Variants in NCALD observed in about 807,000 individuals in gnomAD.
The protein encoded by NCALD is neurocalcin-delta.
A neutral mutation model predicts 18.6 loss-of-function variants in NCALD; 10 were observed. That is an observed-to-expected ratio of 0.54 (90% CI 0.33 to 0.91). NCALD has a LOEUF of 0.91. NCALD is among the 40% of genes least tolerant of loss of function. NCALD has a pLI of 0.03. For synonymous variants in NCALD, 88 were observed against 87.4 expected (o/e 1.01, Z -0.04); for missense variants, 184 against 247.6 (o/e 0.74, Z 1.72).
At chr8:101,981,954 T>C (rs1820634515) in intron 2 of NCALD, among the ~76,000 whole-genome samples, 3 of 152,188 alleles carry the variant, frequency 2.0e-5, no homozygotes, top group Admixed American at 2.0e-4. Flanking sequence ...TATGAATGGC[T>C]TGGTTCCCTC....
At position 101,725,797 on chromosome 8, in the gene NCALD, C is replaced by T. The variant is rs191066950; in HGVS notation, c.-19-6149G>A. Reference sequence around the variant, plus strand: ...GGGGTCAAGGGAGCTCTCCCATCTCCGTGGCACTTATAGTCTAGTGGCAAT... The same window carrying T: ...GGGGTCAAGGGAGCTCTCCCATCTCTGTGGCACTTATAGTCTAGTGGCAAT... On this transcript the variant is annotated intron_variant, in intron 1 of 3. Transcript: ENST00000220931. Among the ~76,000 whole-genome samples, 234 of 152,246 alleles carry T rather than the reference C, an allele frequency of 1.5e-3. 1 individual carries two copies. Among genetic ancestry groups the T allele is most frequent in the African/African-American group, 5.4e-3 (224 of 41,536 alleles).
At chr8:101,816,263 A>G (rs1179191349) in intron 4 of NCALD, among the ~76,000 whole-genome samples, 1 of 152,152 alleles carries the variant, frequency 6.6e-6, no homozygotes, top group Non-Finnish European at 1.5e-5. Context: ...TTATTTTGAG[A>G]AAAACACACT....
intron 2 of NCALD, among the ~76,000 whole-genome samples, chr8:101,980,298 T>G (rs898503958): frequency 6.6e-6 from 1 of 152,216 alleles, no homozygotes; most frequent in Non-Finnish European, 1.5e-5. Context: ...CCATGTCTTC[T>G]GGCACAGGCG....
rs148028947 is a variant in NCALD, at chr8:101,718,895, G to A, written c.378+357C>T. Among the ~76,000 whole-genome samples the A allele has an allele frequency of 2.0e-5, 3 of 152,318 alleles. No homozygotes were observed. In the South Asian group the frequency reaches 6.2e-4, roughly 32 times the overall value. On this transcript the variant is annotated intron_variant, in intron 2 of 3. Transcript: ENST00000220931. ...TTTCTCTGAAGCCTGCTACTTAAGA[G>A]TCTTCATCTGTATGGTAAAACCTTG... is the stretch of plus-strand genomic sequence containing the variant.
At chr8:101,990,232 G>A (rs1230404665) in intron 2 of NCALD, among the ~76,000 whole-genome samples, 1 of 152,180 alleles carries the variant, frequency 6.6e-6, no homozygotes, top group Non-Finnish European at 1.5e-5. Flanking sequence ...CACAGAACAG[G>A]TAATTCTTAC....
At chr8:101,987,405 G>A (rs1356490699) in intron 2 of NCALD, among the ~76,000 whole-genome samples, 1 of 152,170 alleles carries the variant, frequency 6.6e-6, no homozygotes, top group Non-Finnish European at 1.5e-5. Context: ...GTGTGTCCAT[G>A]TATGTAATAT....
At chr8:101,850,824 G>A (rs1273423826) in intron 4 of NCALD, among the ~76,000 whole-genome samples, 1 of 152,100 alleles carries the variant, frequency 6.6e-6, no homozygotes, top group African/African-American at 2.4e-5. Context: ...CACCTTTAAT[G>A]AAAGCAGCAG....
At chr8:101,761,846 G>A (rs187360451) in intron 1 of NCALD, among the ~76,000 whole-genome samples, 1 of 152,280 alleles carries the variant, frequency 6.6e-6, no homozygotes, top group African/African-American at 2.4e-5. Context: ...ACAACTTCTG[G>A]GTCATACCTT....
intron 1 of NCALD, among the ~76,000 whole-genome samples, chr8:101,738,479 G>A (rs908079935): frequency 2.0e-5 from 3 of 151,124 alleles, no homozygotes; most frequent in African/African-American, 7.3e-5. Flanking sequence ...GGGAGGCAGA[G>A]GTTGCAGTGA....
chr8:102,081,825 AC>A (rs1315674928), intron 1 of NCALD, among the ~76,000 whole-genome samples: 1 of 152,192 alleles, frequency 6.6e-6, no homozygotes, highest in African/African-American at 2.4e-5. Flanking sequence ...TGGTGCTTTT[AC>A]CAACACAAGC....
intron 2 of NCALD, among the ~76,000 whole-genome samples, chr8:101,930,514 C>T (rs144753144): frequency 1.6e-4 from 24 of 152,024 alleles, no homozygotes; most frequent in African/African-American, 5.1e-4. Context: ...ACAGTGCCTC[C>T]GGCGCAGCAC....
At chr8:102,106,236 A>C (rs1048950435) in intron 1 of NCALD, among the ~76,000 whole-genome samples, 1 of 150,994 alleles carries the variant, frequency 6.6e-6, no homozygotes, top group African/African-American at 2.4e-5. Context: ...TGCCTGGCTA[A>C]TTTTTTTGGT....
intron 1 of NCALD, among the ~76,000 whole-genome samples, chr8:102,093,304 T>C (rs1824986680): frequency 6.6e-6 from 1 of 152,178 alleles, no homozygotes; most frequent in Non-Finnish European, 1.5e-5. Context: ...TGAATAATAG[T>C]TTGATTAGAC....
intron 4 of NCALD, among the ~76,000 whole-genome samples, chr8:101,873,709 G>T (rs1391565341): frequency 1.3e-5 from 2 of 152,208 alleles, no homozygotes; most frequent in Non-Finnish European, 2.9e-5. Context: ...AATGGGACAT[G>T]ATGTCAGTTC....
At chr8:101,872,164 A>C in intron 4 of NCALD, 8 of 1,606,256 alleles carry the variant, frequency 5.0e-6, no homozygotes, top group Non-Finnish European at 6.8e-6. Flanking sequence ...CTGATTTATC[A>C]GGGCACAGAG....
intron 1 of NCALD, among the ~76,000 whole-genome samples, chr8:101,778,939 A>G (rs1457668051): frequency 6.6e-6 from 1 of 152,182 alleles, no homozygotes; most frequent in Non-Finnish European, 1.5e-5. Context: ...CTCCAAGTAC[A>G]ACAAGAAAAT....
intron 4 of NCALD, among the ~76,000 whole-genome samples, chr8:101,857,140 T>C (rs1815351931): frequency 6.6e-6 from 1 of 152,218 alleles, no homozygotes; most frequent in African/African-American, 2.4e-5. Flanking sequence ...GGTTGTATAA[T>C]AGAAACATAG....
At chr8:101,701,209 G>T (rs1815250227) in intron 2 of NCALD, among the ~76,000 whole-genome samples, 1 of 151,852 alleles carries the variant, frequency 6.6e-6, no homozygotes, top group Non-Finnish European at 1.5e-5. Context: ...TTAAAATCTG[G>T]GACTGCATAG....
chr8:101,965,240 T>G (rs1050106508), intron 2 of NCALD, among the ~76,000 whole-genome samples: 1 of 152,164 alleles, frequency 6.6e-6, no homozygotes, highest in African/African-American at 2.4e-5. Context: ...GAAATACCAT[T>G]TGACCCAGCA....
Sources: gnomAD v4.1 joint callset for allele counts (sites outside exome capture counted in the v4.1 genomes callset) on GRCh38, gnomAD v4.1.1 for gene constraint, MANE v1.5 for transcripts, NCBI Gene and HGNC (gene_info 2026-07-23, HGNC 2026-07-21) for gene names.